The following SEC14L5 variants were observed in gnomAD, a reference collection of about 807,000 sequenced individuals.
SEC14L5 encodes SEC14-like protein 5.
In SEC14L5, 96 loss-of-function variants were observed where a neutral mutation model predicts 84.6. That is an observed-to-expected ratio of 1.13 (90% confidence interval 0.96 to 1.34). SEC14L5 has a LOEUF of 1.34. SEC14L5 is among the 40% of genes most tolerant of loss of function. The probability of loss-of-function intolerance (pLI) is 0.00; values close to 1 mark genes in which losing one functional copy is unlikely to be tolerated. For synonymous variants in SEC14L5, 546 were observed against 383.4 expected (o/e 1.42, Z -4.95); for missense variants, 1,224 against 942.5 (o/e 1.30, Z -3.91).
chr16:5,001,071 G>A, intron 10 of SEC14L5, 146 bp downstream of exon 10: 1 of 662,094 alleles, frequency 1.5e-6, no homozygotes, highest in Non-Finnish European at 2.7e-6. Context: ...TGGGCCTTGA[G>A]GCAGGGCCCG....
intron 4 of SEC14L5, among the ~76,000 whole-genome samples, chr16:4,990,008 T>C (rs1955535596): frequency 6.6e-6 from 1 of 152,026 alleles, no homozygotes; most frequent in South Asian, 2.1e-4. Flanking sequence ...GATCTATAAA[T>C]GTTTATTGAT....
At chr16:4,959,140 A>C in intron 1 of SEC14L5, 133 bp from the exon 2 acceptor site, 9 of 605,706 alleles carry the variant, frequency 1.5e-5, no homozygotes, top group Non-Finnish European at 2.1e-5. Context: ...ATTTGGGGGG[A>C]ATATCAGCCT....
intron 2 of SEC14L5, among the ~76,000 whole-genome samples, chr16:4,971,973 A>C (rs1447969030): frequency 6.6e-6 from 1 of 152,078 alleles, no homozygotes; most frequent in African/African-American, 2.4e-5. Context: ...TCCTATTCCA[A>C]ACCATGACAA....
At chr16:5,013,791 C>G (rs1362593287) in intron 15 of SEC14L5, among the ~76,000 whole-genome samples, 1 of 152,084 alleles carries the variant, frequency 6.6e-6, no homozygotes, top group African/African-American at 2.4e-5. Flanking sequence ...CTCCTGGCCT[C>G]AAGCAATCCA....
Position 5,005,944 on chromosome 16 carries a change from C to A in SEC14L5, c.1333C>A (p.Arg445=), listed in dbSNP as rs767906101. 2 of 1,608,078 alleles carry A rather than the reference C, an allele frequency of 1.2e-6. No homozygotes were observed. The highest frequency in any genetic ancestry group is 8.5e-7 in the Non-Finnish European group (1 of 1,177,302). ...ISPFINENTR[R]KFLIYSGSNY... ...CCCCTTCATCAATGAGAACACCAGGCGGAAGTTCCTCATCTACAGTGGCAG... is the reference window on the plus strand; with the variant it reads ...CCCCTTCATCAATGAGAACACCAGGAGGAAGTTCCTCATCTACAGTGGCAG... The change falls in exon 12 of 16, where the codon CGG becomes AGG. Residue 445 remains arginine, a synonymous_variant. Coordinates refer to ENST00000251170, the MANE Select transcript of SEC14L5 (RefSeq NM_014692.2).
chr16:4,976,234 A>C (rs1682105758), intron 2 of SEC14L5, among the ~76,000 whole-genome samples: 1 of 152,152 alleles, frequency 6.6e-6, no homozygotes. Context: ...TTTTACACAC[A>C]AAGGAATTAA....
intron 2 of SEC14L5, among the ~76,000 whole-genome samples, chr16:4,968,303 C>T (rs989916925): frequency 1.3e-5 from 2 of 151,982 alleles, no homozygotes; most frequent in African/African-American, 4.8e-5. Context: ...CCTCAGCCTC[C>T]CGAGTAGCTG....
At chr16:4,960,222 C>G (rs143589815) in intron 2 of SEC14L5, among the ~76,000 whole-genome samples, 78 of 152,318 alleles carry the variant, frequency 5.1e-4, no homozygotes, top group African/African-American at 1.8e-3. Context: ...AACATGGGGA[C>G]AATGCTACAA....
chr16:4,991,543 G>A (rs960446667), intron 5 of SEC14L5, among the ~76,000 whole-genome samples: 8 of 151,976 alleles, frequency 5.3e-5, no homozygotes, highest in African/African-American at 1.9e-4. Flanking sequence ...TCCAGCCTGG[G>A]CAACACAGCA....
At chr16:5,001,558 C>T (rs140818568) in intron 10 of SEC14L5, among the ~76,000 whole-genome samples, 85 of 152,296 alleles carry the variant, frequency 5.6e-4, no homozygotes, top group African/African-American at 2.0e-3. Context: ...CACTCACAGC[C>T]TGACTTTGCT....
At chr16:5,009,245 T>G (rs1438835674) in intron 14 of SEC14L5, among the ~76,000 whole-genome samples, 1 of 152,024 alleles carries the variant, frequency 6.6e-6, no homozygotes, top group Non-Finnish European at 1.5e-5. Flanking sequence ...CTCTTCTGAG[T>G]CTCAAATCTC....
intron 12 of SEC14L5, among the ~76,000 whole-genome samples, chr16:5,006,773 A>G (rs1264574729): frequency 6.6e-6 from 1 of 152,132 alleles, no homozygotes; most frequent in Non-Finnish European, 1.5e-5. Context: ...TGCAGATCTG[A>G]GAGTGGCTTA....
intron 2 of SEC14L5, among the ~76,000 whole-genome samples, chr16:4,972,608 C>A (rs763552260): frequency 6.6e-6 from 1 of 152,226 alleles, no homozygotes; most frequent in Non-Finnish European, 1.5e-5. Flanking sequence ...GTCTCTGGCT[C>A]GTTTCACTGG....
chr16:4,970,033 G>A (rs776681924), intron 2 of SEC14L5, among the ~76,000 whole-genome samples: 2 of 152,172 alleles, frequency 1.3e-5, no homozygotes, highest in Non-Finnish European at 1.5e-5. Flanking sequence ...GCCCAGGCTG[G>A]TCTTGAACTG....
At chr16:5,006,463 C>G (rs148070455) in intron 12 of SEC14L5, among the ~76,000 whole-genome samples, 1 of 152,286 alleles carries the variant, frequency 6.6e-6, no homozygotes, top group African/African-American at 2.4e-5. Context: ...TAGCCTCCAA[C>G]CCACAGCCAC....
intron 2 of SEC14L5, among the ~76,000 whole-genome samples, chr16:4,981,254 GGTTTT>G (rs1955420253): frequency 9.0e-6 from 1 of 110,558 alleles, no homozygotes; most frequent in African/African-American, 3.3e-5. Flanking sequence ...CTAGCTAATT[GGTTTT>G]TTTTTTTTTT....
chr16:5,012,609 A>G (rs898298586), intron 15 of SEC14L5, among the ~76,000 whole-genome samples: 1 of 152,236 alleles, frequency 6.6e-6, no homozygotes, highest in African/African-American at 2.4e-5. Flanking sequence ...ACACTGTGAG[A>G]AAGAACTACC....
intron 5 of SEC14L5, 128 bp from the exon 6 acceptor site, chr16:4,991,710 C>T (rs896129792): frequency 3.1e-5 from 17 of 556,386 alleles, no homozygotes; most frequent in Non-Finnish European, 4.7e-5. Flanking sequence ...CCAGACACAT[C>T]CAGCCACTCA....
At chr16:4,970,711 C>A (rs1439866515) in intron 2 of SEC14L5, among the ~76,000 whole-genome samples, 1 of 152,176 alleles carries the variant, frequency 6.6e-6, no homozygotes, top group East Asian at 1.9e-4. Context: ...TGTCGTTCTC[C>A]CAGTGCCGGA....
Sources: allele counts gnomAD v4.1 joint callset (sites outside exome capture counted in the v4.1 genomes callset), GRCh38; gene constraint gnomAD v4.1.1; transcripts MANE v1.5; gene names NCBI Gene and HGNC (gene_info 2026-07-23, HGNC 2026-07-21).